Variants in BMPER observed in about 807,000 individuals in gnomAD.
The protein encoded by BMPER is BMP binding endothelial regulator.
A neutral mutation model predicts 87.3 loss-of-function variants in BMPER; 45 were observed. That is an observed-to-expected ratio of 0.52 (90% CI 0.41 to 0.66). The LOEUF is 0.66. Among genes scored for constraint, BMPER ranks in the 30% least tolerant of loss-of-function variants. The probability of loss-of-function intolerance (pLI) is 0.00; values close to 1 mark genes in which losing one functional copy is unlikely to be tolerated. For synonymous variants in BMPER, 326 were observed against 316.2 expected (o/e 1.03, Z -0.33); for missense variants, 784 against 867.5 (o/e 0.90, Z 1.21).
At chr7:34,094,425 G>C (rs1789474826) in intron 13 of BMPER, among the ~76,000 whole-genome samples, 1 of 152,212 alleles carries the variant, frequency 6.6e-6, no homozygotes, top group African/African-American at 2.4e-5. Context: ...AAGACTGTGT[G>C]GGGAGCTCTC....
At chr7:33,999,761 G>C (rs781361497) in intron 6 of BMPER, among the ~76,000 whole-genome samples, 19 of 152,198 alleles carry the variant, frequency 1.2e-4, no homozygotes, top group Non-Finnish European at 1.5e-4. Context: ...TAAACCTGAG[G>C]CTTGGGAATG....
In BMPER at chr7:34,134,274, G is replaced by A. The variant is rs145218731; in HGVS notation, c.1746-8956G>A. Among the ~76,000 whole-genome samples the A allele has an allele frequency of 3.4e-3, 514 of 152,290 alleles. 3 individuals are homozygous for A. The highest frequency in any genetic ancestry group is 4.7e-3 in the Non-Finnish European group (318 of 68,010). On this transcript the variant is annotated intron_variant, in intron 13 of 14. Coordinates refer to ENST00000649409, the MANE Select transcript of BMPER (RefSeq NM_001365308.1). ...ATTTTCTGCCAAGCACCATTTTTATGTTCTTTTTTATCAGCCAGCCTCCAA... is the reference window on the plus strand; with the variant it reads ...ATTTTCTGCCAAGCACCATTTTTATATTCTTTTTTATCAGCCAGCCTCCAA...
chr7:34,109,752 C>G (rs989602042), intron 13 of BMPER, among the ~76,000 whole-genome samples: 3 of 152,188 alleles, frequency 2.0e-5, no homozygotes, highest in African/African-American at 7.2e-5. Flanking sequence ...TGCTGCGAAC[C>G]TTGTTTGAGA....
chr7:33,905,783 C>T, intron 1 of BMPER, 37 bp downstream of exon 1: 1 of 1,411,650 alleles, frequency 7.1e-7, no homozygotes, highest in Non-Finnish European at 9.5e-7. Context: ...CCCTCCGGGA[C>T]GCCGGTTTGG....
chr7:34,110,384 G>A (rs1452729031), intron 13 of BMPER, among the ~76,000 whole-genome samples: 1 of 152,188 alleles, frequency 6.6e-6, no homozygotes, highest in Non-Finnish European at 1.5e-5. Context: ...TAGGAAAGTG[G>A]ATGCACAGGT....
chr7:34,030,366 G>C (rs1160410425), intron 6 of BMPER, among the ~76,000 whole-genome samples: 1 of 152,038 alleles, frequency 6.6e-6, no homozygotes, highest in Non-Finnish European at 1.5e-5. Context: ...ATGTTCAAGT[G>C]CCATGGCAAA....
At chr7:33,948,409 G>T (rs575475048) in intron 3 of BMPER, among the ~76,000 whole-genome samples, 1 of 152,254 alleles carries the variant, frequency 6.6e-6, no homozygotes, top group Non-Finnish European at 1.5e-5. Context: ...TATATGATGA[G>T]AGAGATTGTA....
intron 13 of BMPER, among the ~76,000 whole-genome samples, chr7:34,115,531 A>C (rs749360044): frequency 6.6e-6 from 1 of 152,178 alleles, no homozygotes; most frequent in East Asian, 1.9e-4. Context: ...GGTAACCACT[A>C]ATCTACTTTC....
At chr7:33,933,032 C>G (rs1480783330) in intron 2 of BMPER, among the ~76,000 whole-genome samples, 3 of 152,138 alleles carry the variant, frequency 2.0e-5, no homozygotes, top group Non-Finnish European at 4.4e-5. Context: ...TTCCTGAGAC[C>G]GGGGACTCTG....
At chr7:33,973,824 A>T (rs1454600521) in intron 5 of BMPER, among the ~76,000 whole-genome samples, 1 of 150,654 alleles carries the variant, frequency 6.6e-6, no homozygotes, top group Non-Finnish European at 1.5e-5. Flanking sequence ...CTTTGCTGTT[A>T]ACTCATAGTT....
At chr7:34,144,493 T>G (rs1445229324) in intron 14 of BMPER, among the ~76,000 whole-genome samples, 1 of 151,080 alleles carries the variant, frequency 6.6e-6, no homozygotes, top group African/African-American at 2.4e-5. Context: ...AGCAGGGTAC[T>G]AGGCAGGAAG....
At chr7:33,996,332 G>A (rs919187) in intron 6 of BMPER, among the ~76,000 whole-genome samples, 1 of 152,068 alleles carries the variant, frequency 6.6e-6, no homozygotes, top group Non-Finnish European at 1.5e-5. Flanking sequence ...CTGCATAGCT[G>A]AGTGATTTTT....
intron 12 of BMPER, among the ~76,000 whole-genome samples, chr7:34,084,265 C>T (rs1789139221): frequency 6.6e-6 from 1 of 152,228 alleles, no homozygotes; most frequent in Admixed American, 6.5e-5. Context: ...CGCACCACTG[C>T]ACTCCAGCCT....
At chr7:33,979,141 ATATG>A (rs1189279912) in intron 6 of BMPER, among the ~76,000 whole-genome samples, 1 of 152,092 alleles carries the variant, frequency 6.6e-6, no homozygotes, top group Non-Finnish European at 1.5e-5. Context: ...ATATTTGTGA[ATATG>A]TATGCGTATA....
At chr7:34,065,203 A>ACTCTCTCTCTCTCTCTCTCTCTCTCTCT (rs70997564) in intron 11 of BMPER, among the ~76,000 whole-genome samples, 15 of 97,340 alleles carry the variant, frequency 1.5e-4, no homozygotes, top group South Asian at 3.9e-4. Flanking sequence ...ATACACACTC[A>ACTCTCTCTCTCTCTCTCTCTCTCTCTCT]CTCTCTCTCT....
intron 2 of BMPER, among the ~76,000 whole-genome samples, chr7:33,936,061 A>C (rs1452494329): frequency 1.3e-5 from 2 of 152,086 alleles, no homozygotes; most frequent in African/African-American, 2.4e-5. Flanking sequence ...CCACACACAC[A>C]CACACCTGCA....
At chr7:33,940,986 A>G (rs1001015967) in intron 3 of BMPER, among the ~76,000 whole-genome samples, 3 of 134,734 alleles carry the variant, frequency 2.2e-5, no homozygotes, top group African/African-American at 8.4e-5. Context: ...TATATATATT[A>G]TATATTTATA....
chr7:34,017,966 CAAA>C (rs1310910140), intron 6 of BMPER, among the ~76,000 whole-genome samples: 1 of 80,408 alleles, frequency 1.2e-5, no homozygotes, highest in Non-Finnish European at 2.8e-5. Flanking sequence ...TAAACTTGTC[CAAA>C]AAAAAAAAAA....
intron 6 of BMPER, among the ~76,000 whole-genome samples, chr7:33,993,933 G>T (rs1029169953): frequency 1.3e-5 from 2 of 152,190 alleles, no homozygotes; most frequent in African/African-American, 4.8e-5. Context: ...AGGCTGCTCG[G>T]GGGTCAGGGG....
Sources: gnomAD v4.1 joint callset for allele counts (sites outside exome capture counted in the v4.1 genomes callset) on GRCh38, gnomAD v4.1.1 for gene constraint, MANE v1.5 for transcripts, NCBI Gene and HGNC (gene_info 2026-07-23, HGNC 2026-07-21) for gene names.